FAM227B: variants seen among roughly 807,000 people sequenced by gnomAD.
FAM227B encodes protein FAM227B.
Under a neutral mutation model 73.8 loss-of-function variants are expected in FAM227B, and 88 were observed. That is an observed-to-expected ratio of 1.19 (90% CI 1.00 to 1.42). The LOEUF (loss-of-function observed/expected upper bound fraction) is 1.42, where lower values mean the gene tolerates loss of function less well. Ranked by LOEUF, FAM227B falls within the 40% of genes most tolerant of loss-of-function variation. FAM227B has a pLI of 0.00. For missense variants in FAM227B, 632 were observed against 590.9 expected (o/e 1.07, Z -0.72); for synonymous variants, 210 against 190.5 (o/e 1.10, Z -0.84).
chr15:49,443,121 T>C (rs368553181), intron 11 of FAM227B, among the ~76,000 whole-genome samples: 144 of 151,794 alleles, frequency 9.5e-4, no homozygotes, highest in Non-Finnish European at 1.7e-3. Flanking sequence ...TGAAGCTCCT[T>C]GTACTGGTCC....
At chr15:49,464,372 G>C (rs1423168002) in intron 11 of FAM227B, among the ~76,000 whole-genome samples, 1 of 152,200 alleles carries the variant, frequency 6.6e-6, no homozygotes, top group African/African-American at 2.4e-5. Context: ...TGTGTTAACA[G>C]TGAGATTCCT....
At chr15:49,437,955 GA>G (rs1597186355) in intron 11 of FAM227B, among the ~76,000 whole-genome samples, 1 of 151,606 alleles carries the variant, frequency 6.6e-6, no homozygotes, top group Non-Finnish European at 1.5e-5. Context: ...ACATCTCAAA[GA>G]GCAGGTGGGA....
chr15:49,528,941 A>G (rs1275806086), intron 10 of FAM227B, among the ~76,000 whole-genome samples: 2 of 151,838 alleles, frequency 1.3e-5, no homozygotes, highest in African/African-American at 4.8e-5. Flanking sequence ...TAAAAATAAA[A>G]CTACCATTGA....
At position 49,374,346 on chromosome 15, in the gene FAM227B, C is replaced by T. The variant is rs928264628; in HGVS notation, c.1013-2947G>A. On this transcript the variant is annotated intron_variant, in intron 11 of 15. Coordinates refer to ENST00000299338, the MANE Select transcript of FAM227B (RefSeq NM_152647.3). Reference sequence around the variant, plus strand: ...TCATAAATAAGAACTATAGAATGCACCAAAATAGCACAGTAATAATAATTT... The same window carrying T: ...TCATAAATAAGAACTATAGAATGCATCAAAATAGCACAGTAATAATAATTT... Among the ~76,000 whole-genome samples, 6 of 152,038 alleles carry T rather than the reference C, an allele frequency of 3.9e-5. No homozygotes were observed. The East Asian group carries it at 1.2e-3, about 29-fold the overall frequency.
intron 13 of FAM227B, among the ~76,000 whole-genome samples, chr15:49,367,015 T>A (rs1488314050): frequency 6.6e-6 from 1 of 152,194 alleles, no homozygotes; most frequent in Non-Finnish European, 1.5e-5. Flanking sequence ...AAAAATAAAT[T>A]TTTTAATGTG....
chr15:49,385,626 T>G (rs1596755500), intron 11 of FAM227B, among the ~76,000 whole-genome samples: 1 of 147,682 alleles, frequency 6.8e-6, no homozygotes, highest in Non-Finnish European at 1.5e-5. Context: ...GGTAATAACA[T>G]GATGAAGAGA....
intron 11 of FAM227B, among the ~76,000 whole-genome samples, chr15:49,389,169 T>C (rs73398239): frequency 0.01 from 1,544 of 152,106 alleles, 24 homozygotes; most frequent in African/African-American, 0.036. Flanking sequence ...GAAGTCATTA[T>C]ATGAAAAAGA....
At chr15:49,414,071 G>T (rs1476364437) in intron 11 of FAM227B, among the ~76,000 whole-genome samples, 1 of 151,776 alleles carries the variant, frequency 6.6e-6, no homozygotes, top group Non-Finnish European at 1.5e-5. Flanking sequence ...AATAATTTAA[G>T]CTCTAAGTCA....
intron 9 of FAM227B, among the ~76,000 whole-genome samples, chr15:49,542,741 T>A (rs939729041): frequency 2.0e-5 from 3 of 149,826 alleles, no homozygotes; most frequent in African/African-American, 7.3e-5. Context: ...AAACTAGTTA[T>A]ACATTTATTT....
chr15:49,586,733 CT>C (rs2076189383), intron 5 of FAM227B, among the ~76,000 whole-genome samples: 1 of 152,038 alleles, frequency 6.6e-6, no homozygotes, highest in South Asian at 2.1e-4. Context: ...TGAACAAACA[CT>C]TTTCAAAAGA....
At chr15:49,562,296 A>T (rs1413239813) in intron 9 of FAM227B, among the ~76,000 whole-genome samples, 2 of 152,090 alleles carry the variant, frequency 1.3e-5, no homozygotes, top group African/African-American at 2.4e-5. Context: ...TGACTGAAGC[A>T]GGAAGAAATT....
At chr15:49,427,537 T>C (rs990614842) in intron 11 of FAM227B, among the ~76,000 whole-genome samples, 2 of 152,014 alleles carry the variant, frequency 1.3e-5, no homozygotes, top group Non-Finnish European at 2.9e-5. Context: ...GATTTTAGTG[T>C]CTTGGAAGAT....
chr15:49,360,256 CTG>C, intron 13 of FAM227B, among the ~76,000 whole-genome samples: 1 of 149,100 alleles, frequency 6.7e-6, no homozygotes, highest in Non-Finnish European at 1.5e-5. Context: ...AAAAAAAAGT[CTG>C]TGTATGCATG....
intron 11 of FAM227B, among the ~76,000 whole-genome samples, chr15:49,421,645 T>C (rs1304910968): frequency 6.6e-6 from 1 of 152,244 alleles, no homozygotes; most frequent in Non-Finnish European, 1.5e-5. Flanking sequence ...AGGTTCAGTA[T>C]GGAACAAATG....
At position 49,492,704 on chromosome 15, in the gene FAM227B, T is replaced by C. The variant is rs558901216; in HGVS notation, c.1012+15507A>G. ...TTACCATGCCTTAATGTTATTAAGG[T>C]TAAATCACAGGTGATATTTTATTGT... On this transcript the variant is annotated intron_variant, in intron 11 of 15. Transcript: ENST00000299338. Among the ~76,000 whole-genome samples, 211 of 152,064 alleles carry C rather than the reference T, an allele frequency of 1.4e-3. 1 individual carries two copies. The highest frequency in any genetic ancestry group is 3.4e-3 in the Middle Eastern group (1 of 294).
chr15:49,340,071 G>A lies in FAM227B; in HGVS notation c.1272-4575C>T, dbSNP rs933690300. On this transcript the variant is annotated intron_variant, in intron 13 of 15. Transcript: ENST00000299338. ...GCTGGGCTCAGTGGGGGTGGGACCC[G>A]CTGAGCCAGACCACTTGGCTCCCTG... is the stretch of plus-strand genomic sequence containing the variant. Among the ~76,000 whole-genome samples, 10 of 152,126 alleles carry A rather than the reference G, an allele frequency of 6.6e-5. No homozygotes were observed. In the East Asian group the frequency reaches 9.7e-4, roughly 15 times the overall value.
intron 13 of FAM227B, among the ~76,000 whole-genome samples, chr15:49,346,124 T>C (rs1168399765): frequency 6.6e-6 from 1 of 151,974 alleles, no homozygotes. Context: ...CTTTACTGGC[T>C]GCTTGATAGA....
chr15:49,421,703 A>G (rs192058530), intron 11 of FAM227B, among the ~76,000 whole-genome samples: 1 of 152,338 alleles, frequency 6.6e-6, no homozygotes, highest in East Asian at 1.9e-4. Context: ...TACTATTGAT[A>G]ACTTTTATTT....
chr15:49,328,360 C>CTATT lies in FAM227B; in HGVS notation c.*204_*207dup. 1 of 1,427,776 alleles carries CTATT rather than the reference C, an allele frequency of 7.0e-7. No homozygotes were observed. Among genetic ancestry groups the CTATT allele is most frequent in the Non-Finnish European group, 9.1e-7 (1 of 1,094,396 alleles). 88.4% of individuals were successfully genotyped at this position (1,427,776 alleles called of 1,614,324 possible). A position where few individuals can be genotyped will look rare whatever the true frequency, so the allele number is the denominator to read the frequency against. ...TTTTCCATCTTAAAATATGGTTTTA[C>CTATT]TATTAAGAGCCAAGATCATGCTTGG... is the stretch of plus-strand genomic sequence containing the variant. On this transcript the variant is annotated 3_prime_UTR_variant, in exon 16 of 16. Transcript: ENST00000299338.
Sources: gnomAD v4.1 joint callset for allele counts (sites outside exome capture counted in the v4.1 genomes callset) on GRCh38, gnomAD v4.1.1 for gene constraint, MANE v1.5 for transcripts, NCBI Gene and HGNC (gene_info 2026-07-23, HGNC 2026-07-21) for gene names.